Variants in IQCM observed in about 807,000 individuals in gnomAD.
IQCM encodes the protein IQ domain-containing protein M.
In IQCM, 45 loss-of-function variants were observed where a neutral mutation model predicts 57.6. The observed-to-expected ratio is 0.78, with a 90% CI of 0.62 to 1.00. IQCM has a LOEUF of 1.00. IQCM is among the 50% of genes least tolerant of loss of function. The pLI is 0.00. For missense variants in IQCM, 468 were observed against 511.6 expected, an observed-to-expected ratio of 0.91 and a Z score of 0.82; for synonymous variants, 148 against 158.9, an observed-to-expected ratio of 0.93 and a Z score of 0.51.
intron 12 of IQCM, among the ~76,000 whole-genome samples, chr4:149,442,282 T>G (rs527281965): frequency 6.6e-6 from 1 of 152,230 alleles, no homozygotes; most frequent in South Asian, 2.1e-4. Flanking sequence ...CAGTGAATCT[T>G]CATTTTAGCA....
At chr4:149,359,427 T>C (rs540135271) in intron 13 of IQCM, among the ~76,000 whole-genome samples, 1 of 152,270 alleles carries the variant, frequency 6.6e-6, no homozygotes, top group East Asian at 1.9e-4. Context: ...ATGGAAAATA[T>C]TATTTATGTA....
intron 5 of IQCM, among the ~76,000 whole-genome samples, chr4:149,708,145 A>G (rs1764295277): frequency 6.6e-6 from 1 of 152,038 alleles, no homozygotes. Flanking sequence ...CCCACGTTCA[A>G]GCTAAAGACT....
intron 7 of IQCM, among the ~76,000 whole-genome samples, chr4:149,654,737 C>A (rs928416714): frequency 6.6e-6 from 1 of 152,134 alleles, no homozygotes; most frequent in Non-Finnish European, 1.5e-5. Flanking sequence ...TGGAGCACAA[C>A]ATCCAAGCCT....
At chr4:149,510,700 A>G (rs376140837) in intron 12 of IQCM, among the ~76,000 whole-genome samples, 112 of 152,226 alleles carry the variant, frequency 7.4e-4, no homozygotes, top group African/African-American at 2.5e-3. Context: ...TACAGTTCTG[A>G]GGAATACTAG....
At chr4:149,717,939 G>T (rs1765137979) in intron 5 of IQCM, among the ~76,000 whole-genome samples, 1 of 152,186 alleles carries the variant, frequency 6.6e-6, no homozygotes. Context: ...AATCCCCGGT[G>T]CCTACAAGTA....
intron 12 of IQCM, among the ~76,000 whole-genome samples, chr4:149,511,778 T>C (rs1167480650): frequency 6.6e-6 from 1 of 152,130 alleles, no homozygotes; most frequent in Non-Finnish European, 1.5e-5. Flanking sequence ...GAGGCTAGCA[T>C]AGTGCCTGTT....
chr4:149,364,970 T>TTA (rs1005892264), intron 13 of IQCM, among the ~76,000 whole-genome samples: 52 of 151,438 alleles, frequency 3.4e-4, no homozygotes, highest in South Asian at 2.3e-3. Flanking sequence ...TACAGATGGA[T>TTA]TATATATATA....
At chr4:149,744,085 G>A (rs1473655238) in intron 2 of IQCM, among the ~76,000 whole-genome samples, 1 of 152,156 alleles carries the variant, frequency 6.6e-6, no homozygotes, top group East Asian at 1.9e-4. Flanking sequence ...GGACCCTGTA[G>A]CCTCATGCTC....
chr4:149,505,443 A>G (rs1743704436), intron 12 of IQCM, among the ~76,000 whole-genome samples: 1 of 152,190 alleles, frequency 6.6e-6, no homozygotes, highest in Non-Finnish European at 1.5e-5. Flanking sequence ...AACTTTGGAA[A>G]GATAAATTTT....
rs540966531 is a variant in IQCM, at chr4:149,613,352, C to A, written c.681+7777G>T. On this transcript the variant is annotated intron_variant, in intron 8 of 13. Coordinates refer to ENST00000636793, the MANE Select transcript of IQCM (RefSeq NM_001363507.2). The stretch of plus-strand genomic sequence containing the variant: ...GCATGCCCACAGTTTTCTGACAGTA[C>A]AATTTGGTAAGGAATTTTAAAAAGA... 2.0e-5 allele frequency among the ~76,000 whole-genome samples: 3 copies of A among 152,128 alleles called. 1 individual carries two copies. The South Asian group carries it at 6.2e-4, about 32-fold the overall frequency.
At chr4:149,495,923 C>T (rs1742607240) in intron 12 of IQCM, among the ~76,000 whole-genome samples, 1 of 152,058 alleles carries the variant, frequency 6.6e-6, no homozygotes, top group South Asian at 2.1e-4. Flanking sequence ...TGGTAAAAAT[C>T]TTATAGCTCC....
At position 149,538,825 on chromosome 4, in the gene IQCM, T is replaced by C. The variant is rs568136025; in HGVS notation, c.1228+9630A>G. On this transcript the variant is annotated intron_variant, in intron 12 of 13. Transcript: ENST00000636793. The stretch of plus-strand genomic sequence containing the variant: ...AAAGAAACTGATGAATTAGACTTCA[T>C]AAAAATTAAAAACCTTTGCTTTTCA... Among the ~76,000 whole-genome samples, 4 of 151,920 alleles carry C rather than the reference T, an allele frequency of 2.6e-5. No homozygotes were observed. The East Asian group carries it at 7.7e-4, about 29-fold the overall frequency.
At chr4:149,433,598 T>C in intron 12 of IQCM, 41 bp from the exon 13 acceptor site, 1 of 813,582 alleles carries the variant, frequency 1.2e-6, no homozygotes, top group Non-Finnish European at 1.6e-6. Flanking sequence ...TTAGACATTT[T>C]ACAGACTGTC....
intron 13 of IQCM, among the ~76,000 whole-genome samples, chr4:149,416,583 G>A (rs971642999): frequency 1.3e-5 from 2 of 152,048 alleles, no homozygotes; most frequent in Non-Finnish European, 2.9e-5. Flanking sequence ...CTAGTGTGCG[G>A]CGAGGGCTGA....
At chr4:149,553,428 G>C (rs185822245) in intron 10 of IQCM, 141 bp from the exon 11 acceptor site, 2 of 516,936 alleles carry the variant, frequency 3.9e-6, no homozygotes, top group South Asian at 2.1e-4. Context: ...CTAAATATAC[G>C]CATTGTAGAG....
At chr4:149,557,984 G>A (rs1749750755) in intron 10 of IQCM, among the ~76,000 whole-genome samples, 1 of 152,106 alleles carries the variant, frequency 6.6e-6, no homozygotes, top group Admixed American at 6.6e-5. Context: ...TGTTACTAAA[G>A]CCAGAAAATT....
chr4:149,770,588 A>C (rs772859567), intron 2 of IQCM, among the ~76,000 whole-genome samples: 2 of 152,102 alleles, frequency 1.3e-5, no homozygotes, highest in Non-Finnish European at 2.9e-5. Flanking sequence ...CATCATAACA[A>C]AGTTCATCCC....
intron 8 of IQCM, among the ~76,000 whole-genome samples, chr4:149,613,774 G>A (rs1755528568): frequency 6.6e-6 from 1 of 151,982 alleles, no homozygotes; most frequent in Non-Finnish European, 1.5e-5. Context: ...CCGTGTCCAT[G>A]TGTTCTCATT....
intron 12 of IQCM, among the ~76,000 whole-genome samples, chr4:149,536,365 C>G (rs1747296364): frequency 6.6e-6 from 1 of 151,980 alleles, no homozygotes; most frequent in Admixed American, 6.6e-5. Context: ...ACCCACCCCA[C>G]AGACACAGAC....
Sources: gnomAD v4.1 joint callset for allele counts (sites outside exome capture counted in the v4.1 genomes callset) on GRCh38, gnomAD v4.1.1 for gene constraint, MANE v1.5 for transcripts, NCBI Gene and HGNC (gene_info 2026-07-23, HGNC 2026-07-21) for gene names.